The following MARCHF4 variants were observed in gnomAD, a reference collection of about 807,000 sequenced individuals.
MARCHF4 encodes membrane associated ring-CH-type finger 4.
In MARCHF4, 14 loss-of-function variants were observed where a neutral mutation model predicts 43.9. The observed-to-expected ratio is 0.32, with a 90% confidence interval of 0.21 to 0.50. The LOEUF (loss-of-function observed/expected upper bound fraction) is 0.50. MARCHF4 is among the 20% of genes least tolerant of loss of function. The pLI, the probability that MARCHF4 is intolerant of heterozygous loss-of-function variation, is 0.98. For synonymous variants in MARCHF4, 226 were observed against 213.3 expected (o/e 1.06, Z -0.52); for missense variants, 468 against 536.7 (o/e 0.87, Z 1.27).
intron 1 of MARCHF4, among the ~76,000 whole-genome samples, chr2:216,298,340 A>ACTGCAGCCT (rs1210117883): frequency 7.5e-6 from 1 of 133,082 alleles, no homozygotes. Context: ...AGTATGGCTC[A>ACTGCAGCCT]CTGCAGCCTT....
At chr2:216,285,753 G>A (rs73988345) in intron 1 of MARCHF4, among the ~76,000 whole-genome samples, 2,508 of 152,338 alleles carry the variant, frequency 0.016, 70 homozygotes, top group African/African-American at 0.057. Flanking sequence ...GATGAGTGGA[G>A]AGACATGCTG....
chr2:216,363,508 T>C (rs1692620565), intron 1 of MARCHF4, among the ~76,000 whole-genome samples: 1 of 152,180 alleles, frequency 6.6e-6, no homozygotes. Context: ...CCTTACCTTA[T>C]CTCCCAATAG....
intron 1 of MARCHF4, among the ~76,000 whole-genome samples, chr2:216,291,927 C>A (rs1363468721): frequency 6.6e-6 from 1 of 152,210 alleles, no homozygotes; most frequent in Non-Finnish European, 1.5e-5. Flanking sequence ...TTACCCACAT[C>A]CTCTCTGCCC....
intron 1 of MARCHF4, among the ~76,000 whole-genome samples, chr2:216,302,304 C>T (rs183608349): frequency 0.036 from 5,390 of 151,606 alleles, 322 homozygotes; most frequent in African/African-American, 0.12. Context: ...CTGCAAGCTC[C>T]GCCTCCTGGG....
chr2:216,340,444 G>A (rs1165470785), intron 1 of MARCHF4, among the ~76,000 whole-genome samples: 1 of 152,240 alleles, frequency 6.6e-6, no homozygotes, highest in Non-Finnish European at 1.5e-5. Context: ...CTTTAGAGAA[G>A]GGAGAGGAAG....
intron 1 of MARCHF4, among the ~76,000 whole-genome samples, chr2:216,296,137 C>T (rs1285737305): frequency 6.6e-6 from 1 of 152,058 alleles, no homozygotes; most frequent in East Asian, 1.9e-4. Context: ...CAGAGCAAGA[C>T]TCCATCTCAA....
intron 3 of MARCHF4, among the ~76,000 whole-genome samples, chr2:216,270,364 C>T (rs570301039): frequency 6.6e-6 from 1 of 152,300 alleles, no homozygotes; most frequent in Non-Finnish European, 1.5e-5. Flanking sequence ...GCATTAGCCA[C>T]CATGTCTGGC....
At chr2:216,281,386 G>A (rs1428263484) in intron 2 of MARCHF4, among the ~76,000 whole-genome samples, 2 of 152,132 alleles carry the variant, frequency 1.3e-5, no homozygotes, top group Non-Finnish European at 2.9e-5. Flanking sequence ...CTCTGTCTGG[G>A]GCATGAACCA....
At chr2:216,324,806 G>T (rs1691961361) in intron 1 of MARCHF4, among the ~76,000 whole-genome samples, 1 of 112,358 alleles carries the variant, frequency 8.9e-6, no homozygotes, top group Non-Finnish European at 1.7e-5. Flanking sequence ...GTATTGATGG[G>T]TCGTATCTCA....
At chr2:216,269,546 T>A (rs576942287) in intron 3 of MARCHF4, among the ~76,000 whole-genome samples, 1 of 152,198 alleles carries the variant, frequency 6.6e-6, no homozygotes, top group Non-Finnish European at 1.5e-5. Context: ...GATCTCTATA[T>A]CTAGGCTGTA....
At chr2:216,259,869 G>A (rs1690713272) in intron 3 of MARCHF4, 190 bp from the exon 4 acceptor site, 5 of 603,782 alleles carry the variant, frequency 8.3e-6, no homozygotes, top group Admixed American at 5.9e-5. Context: ...CCACCAGACC[G>A]AGTCCATGAA....
chr2:216,340,616 T>C (rs1692222527), intron 1 of MARCHF4, among the ~76,000 whole-genome samples: 1 of 152,156 alleles, frequency 6.6e-6, no homozygotes, highest in African/African-American at 2.4e-5. Flanking sequence ...TGGTCCAGCC[T>C]CCCAGGGTTG....
chr2:216,280,958 C>T (rs207814), intron 2 of MARCHF4, among the ~76,000 whole-genome samples: 41,204 of 151,896 alleles, frequency 0.27, 6,407 homozygotes, highest in Non-Finnish European at 0.37. Context: ...CATGCTGTGC[C>T]TCCTTTCTCA....
chr2:216,310,155 A>G (rs138932968), intron 1 of MARCHF4, among the ~76,000 whole-genome samples: 125 of 152,348 alleles, frequency 8.2e-4, no homozygotes, highest in African/African-American at 2.8e-3. Context: ...GCGCCTCTCA[A>G]CTTTGCTACC....
rs1052156895 is a variant in MARCHF4 at position 216,338,138 on chromosome 2, T to C, written c.516+31607A>G. 3.9e-5 allele frequency among the ~76,000 whole-genome samples: 6 copies of C among 152,182 alleles called. No individual in the cohort carries two copies. The East Asian group carries it at 1.2e-3, about 29-fold the overall frequency. The stretch of plus-strand genomic sequence containing the variant: ...TGTGGTATAGACTTTATGTGCCTTA[T>C]GTCATATAATTCTCCCAGCAATCAT... On this transcript the variant is annotated intron_variant, in intron 1 of 3. Transcript: ENST00000273067.
Position 216,344,810 on chromosome 2 carries a change from G to A in MARCHF4, c.516+24935C>T, listed in dbSNP as rs566534346. On this transcript the variant is annotated intron_variant, in intron 1 of 3. Coordinates refer to ENST00000273067, the MANE Select transcript of MARCHF4 (RefSeq NM_020814.3). Reference sequence around the variant, plus strand: ...CACAGTGAGCTGTGTGGGTGCGAGCGGAGGTGGTAATGGATGGAGCCAAGT... The same window carrying A: ...CACAGTGAGCTGTGTGGGTGCGAGCAGAGGTGGTAATGGATGGAGCCAAGT... Among the ~76,000 whole-genome samples, 12 of 151,918 alleles carry A rather than the reference G, an allele frequency of 7.9e-5. No individual in the cohort carries two copies. In the East Asian group the frequency reaches 9.7e-4, roughly 12 times the overall value.
At chr2:216,317,260 T>C (rs1691792815) in intron 1 of MARCHF4, among the ~76,000 whole-genome samples, 1 of 152,222 alleles carries the variant, frequency 6.6e-6, no homozygotes, top group Non-Finnish European at 1.5e-5. Context: ...TCTGGGGTAA[T>C]GGGAATATTT....
intron 3 of MARCHF4, chr2:216,265,420 T>C (rs1189385089): frequency 6.6e-6 from 1 of 152,042 alleles, no homozygotes; most frequent in African/African-American, 2.4e-5. Flanking sequence ...GTCATCAGAA[T>C]CCCACCCCCA....
At chr2:216,264,280 A>T (rs1039031901) in intron 3 of MARCHF4, among the ~76,000 whole-genome samples, 1 of 152,150 alleles carries the variant, frequency 6.6e-6, no homozygotes, top group Non-Finnish European at 1.5e-5. Flanking sequence ...ATCTCTCTGG[A>T]GGGGAAAGAA....
Sources: allele counts gnomAD v4.1 joint callset (sites outside exome capture counted in the v4.1 genomes callset), GRCh38; gene constraint gnomAD v4.1.1; transcripts MANE v1.5; gene names NCBI Gene and HGNC (gene_info 2026-07-23, HGNC 2026-07-21).